The following CCDC141 variants were observed in gnomAD, a reference collection of about 807,000 sequenced individuals.
CCDC141 encodes coiled-coil domain-containing protein 141.
A neutral mutation model predicts 181.0 loss-of-function variants in CCDC141; 168 were observed. The observed-to-expected ratio is 0.93, with a 90% confidence interval of 0.82 to 1.05. CCDC141 has a LOEUF of 1.05. CCDC141 is among the 50% of genes least tolerant of loss of function. The pLI is 0.00. For missense variants in CCDC141, 1,902 were observed against 1,788.5 expected (o/e 1.06, Z -1.14); for synonymous variants, 666 against 642.3 (o/e 1.04, Z -0.56).
intron 2 of CCDC141, among the ~76,000 whole-genome samples, chr2:179,015,576 C>A (rs370274437): frequency 1.9e-3 from 155 of 81,166 alleles, no homozygotes; most frequent in East Asian, 3.2e-3. Context: ...TCTCATATAT[C>A]TCATATATAT....
At chr2:178,927,600 T>A (rs974539826) in intron 6 of CCDC141, among the ~76,000 whole-genome samples, 2 of 152,070 alleles carry the variant, frequency 1.3e-5, no homozygotes, top group African/African-American at 2.4e-5. Context: ...TAATGGTGTC[T>A]GGAGAATTAA....
chr2:178,888,593 T>C lies in CCDC141; in HGVS notation c.1341A>G (p.Ser447=). 4 of 1,550,748 alleles carry C rather than the reference T, an allele frequency of 2.6e-6. No homozygotes were observed. Among genetic ancestry groups the C allele is most frequent in the Non-Finnish European group, 3.5e-6 (4 of 1,146,900 alleles). The change falls in exon 9 of 24, where the codon TCA becomes TCG. Residue 447 remains serine (S), a synonymous_variant. Coordinates refer to ENST00000443758, the MANE Select transcript of CCDC141 (RefSeq NM_173648.4). ...TCTTAAGAGCATATTCCTTGTGCGC[T>C]GAACACTGTTCGGTCAGATGATCCA... ...RRVDHLTEQC[S]AHKEYALKKQ...
chr2:178,986,246 G>T (rs1395125815), intron 2 of CCDC141, among the ~76,000 whole-genome samples: 1 of 152,106 alleles, frequency 6.6e-6, no homozygotes. Flanking sequence ...TGCAGAAAAG[G>T]CCTTTGACAA....
intron 2 of CCDC141, among the ~76,000 whole-genome samples, chr2:179,033,832 T>A (rs1375627537): frequency 1.3e-5 from 2 of 152,198 alleles, no homozygotes; most frequent in Non-Finnish European, 2.9e-5. Context: ...GATCCTGGCC[T>A]TTCAAATAGA....
intron 6 of CCDC141, among the ~76,000 whole-genome samples, chr2:178,941,757 A>G (rs994617668): frequency 2.0e-5 from 3 of 151,432 alleles, no homozygotes; most frequent in African/African-American, 7.3e-5. Context: ...GTTCATAACC[A>G]GCCTGAGAAA....
chr2:178,865,848 C>A lies in CCDC141; in HGVS notation c.2643G>T (p.Lys881Asn). ...CATACTCCTCAGCTTTGGCACGCCA[C>A]TTCATGCTGTCCTCCTCAAGGAGCT... ...QLELLEEDSMKWRAKAEEYGR... is the reference protein window; with the variant it reads ...QLELLEEDSMNWRAKAEEYGR... Residue 881 changes from lysine (K) to asparagine (N), a missense_variant, in exon 17 of 24, where the codon AAG becomes AAT. Physicochemically the swap from Lys to Asn is moderately conservative, Grantham distance 94 (BLOSUM62 0). Coordinates refer to ENST00000443758, the MANE Select transcript of CCDC141 (RefSeq NM_173648.4). 6.2e-7 allele frequency: 1 copy of A among 1,607,414 alleles called. No homozygotes were observed. The highest frequency in any genetic ancestry group is 1.1e-5 in the South Asian group (1 of 89,976).
At chr2:179,042,975 C>A (rs1200177106) in intron 2 of CCDC141, among the ~76,000 whole-genome samples, 1 of 151,972 alleles carries the variant, frequency 6.6e-6, no homozygotes, top group Non-Finnish European at 1.5e-5. Context: ...AGGCCACTAG[C>A]AAGACTAATA....
At chr2:178,927,865 C>T (rs902336094) in intron 6 of CCDC141, among the ~76,000 whole-genome samples, 2 of 151,912 alleles carry the variant, frequency 1.3e-5, no homozygotes, top group African/African-American at 2.4e-5. Flanking sequence ...GTCTGGGCAC[C>T]GAAGAAAAGA....
At chr2:178,920,817 T>G (rs149529096) in intron 6 of CCDC141, among the ~76,000 whole-genome samples, 1 of 152,166 alleles carries the variant, frequency 6.6e-6, no homozygotes, top group Non-Finnish European at 1.5e-5. Context: ...GAAACTGTTA[T>G]AGTTTTAGGT....
At chr2:178,951,220 T>A (rs1265067801) in intron 5 of CCDC141, among the ~76,000 whole-genome samples, 10 of 152,252 alleles carry the variant, frequency 6.6e-5, no homozygotes, top group Admixed American at 5.9e-4. Flanking sequence ...GGCATGGTTT[T>A]CCCAATATAA....
Position 178,837,532 on chromosome 2 carries a change from T to C in CCDC141, c.3687A>G (p.Pro1229=). Residue 1229 remains proline, a synonymous_variant, in exon 23 of 24, where the codon CCA becomes CCG. Coordinates refer to ENST00000443758, the MANE Select transcript of CCDC141 (RefSeq NM_173648.4). ...LPGSPESPLA[P]SDMEVEEPVS... ...CAGGCTCTTCCACCTCCATGTCAGA[T>C]GGTGCAAGAGGGGACTCAGGGCTTC... 6.2e-7 allele frequency: 1 copy of C among 1,613,878 alleles called. No individual in the cohort carries two copies. Among genetic ancestry groups the C allele is most frequent in the Non-Finnish European group, 8.5e-7 (1 of 1,179,918 alleles).
chr2:179,047,487 T>C, intron 1 of CCDC141, 81 bp from the exon 2 acceptor site: 1 of 1,230,970 alleles, frequency 8.1e-7, no homozygotes, highest in Non-Finnish European at 1.1e-6. Flanking sequence ...TAATATATCG[T>C]TTAAATTTCC....
intron 5 of CCDC141, among the ~76,000 whole-genome samples, chr2:178,958,522 TA>T (rs575668483): frequency 1.2e-4 from 18 of 151,020 alleles, no homozygotes; most frequent in East Asian, 9.7e-4. Flanking sequence ...CACTCACCTC[TA>T]AAAAAAAATG....
At chr2:178,838,813 T>G (rs1319229236) in intron 22 of CCDC141, among the ~76,000 whole-genome samples, 2 of 152,224 alleles carry the variant, frequency 1.3e-5, no homozygotes, top group African/African-American at 4.8e-5. Context: ...CAGTACTTCT[T>G]TCTCTGCTTC....
At chr2:178,883,659 C>G (rs979271612) in intron 11 of CCDC141, among the ~76,000 whole-genome samples, 1 of 152,148 alleles carries the variant, frequency 6.6e-6, no homozygotes, top group Non-Finnish European at 1.5e-5. Flanking sequence ...GGCTCTACCC[C>G]TGAGTGAACC....
At chr2:178,888,222 G>T (rs1019825196) in intron 9 of CCDC141, among the ~76,000 whole-genome samples, 3 of 152,164 alleles carry the variant, frequency 2.0e-5, no homozygotes, top group Non-Finnish European at 4.4e-5. Context: ...TCAGAACCAT[G>T]CAAATGAAAG....
intron 17 of CCDC141, among the ~76,000 whole-genome samples, chr2:178,861,669 G>C (rs1389235569): frequency 3.3e-5 from 5 of 151,374 alleles, no homozygotes; most frequent in Admixed American, 6.6e-5. Flanking sequence ...TTTTGTAGAG[G>C]CAGGGTCTCA....
At chr2:178,834,912 C>T (rs1203657464) in intron 23 of CCDC141, among the ~76,000 whole-genome samples, 1 of 151,582 alleles carries the variant, frequency 6.6e-6, no homozygotes, top group Non-Finnish European at 1.5e-5. Context: ...ATTGCTTTGA[C>T]TGGCTCAGAC....
chr2:178,987,689 A>G (rs545888253), intron 2 of CCDC141, among the ~76,000 whole-genome samples: 9 of 150,574 alleles, frequency 6.0e-5, no homozygotes, highest in Non-Finnish European at 1.3e-4. Flanking sequence ...AAAAGAAGAC[A>G]TTTATGCAGC....
Sources: allele counts gnomAD v4.1 joint callset (sites outside exome capture counted in the v4.1 genomes callset), GRCh38; gene constraint gnomAD v4.1.1; transcripts MANE v1.5; gene names NCBI Gene and HGNC (gene_info 2026-07-23, HGNC 2026-07-21).